PALLD: variants seen among roughly 807,000 people sequenced by gnomAD.
The protein encoded by PALLD is palladin, cytoskeletal associated protein, also known as palladin.
In PALLD, 61 loss-of-function variants were observed where a neutral mutation model predicts 123.5. The ratio of observed to expected loss-of-function variants is 0.49; its 90% CI spans 0.40 to 0.61. The LOEUF (loss-of-function observed/expected upper bound fraction) is 0.61, where lower values mean the gene tolerates loss of function less well. Among genes scored for constraint, PALLD ranks in the 20% least tolerant of loss-of-function variants. The pLI, the probability that PALLD is intolerant of heterozygous loss-of-function variation, is 0.00. For synonymous variants in PALLD, 465 were observed against 496.4 expected (o/e 0.94, Z 0.84); for missense variants, 1,273 against 1,377.0 (o/e 0.92, Z 1.20).
At chr4:168,497,844 A>G (rs1265539801) in intron 1 of PALLD, among the ~76,000 whole-genome samples, 1 of 152,220 alleles carries the variant, frequency 6.6e-6, no homozygotes, top group Non-Finnish European at 1.5e-5. Context: ...AATTTTTATC[A>G]TGTTGTTTTA....
chr4:168,659,456 G>C (rs1778921059), intron 2 of PALLD, among the ~76,000 whole-genome samples: 1 of 152,170 alleles, frequency 6.6e-6, no homozygotes, highest in African/African-American at 2.4e-5. Flanking sequence ...TTGCCATCCT[G>C]AAATCACCCG....
At chr4:168,590,971 C>G (rs374051240) in intron 2 of PALLD, among the ~76,000 whole-genome samples, 1 of 145,118 alleles carries the variant, frequency 6.9e-6, no homozygotes, top group African/African-American at 2.6e-5. Context: ...CCTCCTCCCC[C>G]CAGGTTCAAG....
chr4:168,663,660 A>G (rs539277395), intron 2 of PALLD, among the ~76,000 whole-genome samples: 2 of 152,348 alleles, frequency 1.3e-5, no homozygotes, highest in Non-Finnish European at 2.9e-5. Flanking sequence ...TAGATGCAAA[A>G]TTGAATGCAT....
Position 168,664,460 on chromosome 4 carries a change from A to G in PALLD, c.909-3730A>G, listed in dbSNP as rs540931174. On this transcript the variant is annotated intron_variant, in intron 2 of 21. Transcript: ENST00000505667. ...TTCAGCAACCGCATATGGCAAAATG[A>G]TTGGTGCTTGTAAACCACTAGGCTG... 3.8e-3 allele frequency among the ~76,000 whole-genome samples: 575 copies of G among 151,904 alleles called. 2 individuals are homozygous for G. The highest frequency in any genetic ancestry group is 6.7e-3 in the Non-Finnish European group (457 of 68,020).
chr4:168,668,042 T>C, intron 2 of PALLD, 148 bp from the exon 3 acceptor site: 1 of 682,098 alleles, frequency 1.5e-6, no homozygotes, highest in Non-Finnish European at 2.6e-6. Context: ...AATTGTAGAG[T>C]TTCCATTAGT....
chr4:168,775,185 C>T (rs1735009641), intron 10 of PALLD, among the ~76,000 whole-genome samples: 1 of 152,040 alleles, frequency 6.6e-6, no homozygotes, highest in Non-Finnish European at 1.5e-5. Flanking sequence ...CCAGTTTCTC[C>T]ACATCCTAGT....
intron 2 of PALLD, among the ~76,000 whole-genome samples, chr4:168,664,685 C>T (rs1178488203): frequency 6.7e-6 from 1 of 149,318 alleles, no homozygotes; most frequent in Non-Finnish European, 1.5e-5. Context: ...CAGGGAAAGT[C>T]AGTTATTGAC....
At chr4:168,687,937 T>TAGA (rs1279803738) in intron 6 of PALLD, among the ~76,000 whole-genome samples, 1 of 152,274 alleles carries the variant, frequency 6.6e-6, no homozygotes. Flanking sequence ...TCAGAGCCAC[T>TAGA]AGAAGCTCAG....
intron 14 of PALLD, among the ~76,000 whole-genome samples, chr4:168,901,395 G>C (rs891404560): frequency 1.4e-4 from 22 of 151,998 alleles, no homozygotes; most frequent in Non-Finnish European, 2.5e-4. Context: ...CCATTAGTAC[G>C]CTTGGTAAAA....
At chr4:168,815,494 C>G (rs1373306229) in intron 10 of PALLD, among the ~76,000 whole-genome samples, 1 of 152,232 alleles carries the variant, frequency 6.6e-6, no homozygotes, top group East Asian at 1.9e-4. Flanking sequence ...CTAAAACTGT[C>G]CTCCATAAAA....
At chr4:168,894,957 T>C (rs1050888249) in intron 12 of PALLD, among the ~76,000 whole-genome samples, 3 of 152,228 alleles carry the variant, frequency 2.0e-5, no homozygotes, top group African/African-American at 7.2e-5. Context: ...TATCCTAAGT[T>C]TTATGCAAAA....
intron 10 of PALLD, among the ~76,000 whole-genome samples, chr4:168,726,944 A>G (rs1331039223): frequency 6.6e-6 from 1 of 152,060 alleles, no homozygotes; most frequent in Non-Finnish European, 1.5e-5. Context: ...TGTGTGCTCA[A>G]TGTTTAGCTC....
chr4:168,607,008 G>T (rs1773248996), intron 2 of PALLD, among the ~76,000 whole-genome samples: 1 of 151,990 alleles, frequency 6.6e-6, no homozygotes, highest in Non-Finnish European at 1.5e-5. Context: ...GAGGGAGAAA[G>T]GTAAAATCAT....
intron 10 of PALLD, among the ~76,000 whole-genome samples, chr4:168,860,528 T>C (rs1749307687): frequency 6.6e-6 from 1 of 152,150 alleles, no homozygotes; most frequent in South Asian, 2.1e-4. Context: ...AAGGTGATTT[T>C]AATTCAGCCT....
At chr4:168,690,501 T>A (rs543671839) in intron 6 of PALLD, 102 bp from the exon 7 acceptor site, 11 of 1,399,702 alleles carry the variant, frequency 7.9e-6, no homozygotes, top group Middle Eastern at 3.5e-4. Flanking sequence ...TGTGTTTGTA[T>A]CTGTTTTGTC....
At chr4:168,724,997 C>G (rs561221719) in intron 10 of PALLD, among the ~76,000 whole-genome samples, 3 of 152,224 alleles carry the variant, frequency 2.0e-5, no homozygotes, top group South Asian at 2.1e-4. Flanking sequence ...AATGTCTGCT[C>G]TATGCTCTGC....
At chr4:168,811,772 T>TCACACA (rs1290275045) in intron 10 of PALLD, among the ~76,000 whole-genome samples, 18 of 98,396 alleles carry the variant, frequency 1.8e-4, no homozygotes, top group African/African-American at 5.6e-4. Flanking sequence ...TCTCTCTCTC[T>TCACACA]CTCTCACACA....
At chr4:168,845,441 A>G (rs530838916) in intron 10 of PALLD, among the ~76,000 whole-genome samples, 29 of 152,338 alleles carry the variant, frequency 1.9e-4, no homozygotes, top group Middle Eastern at 6.8e-3. Flanking sequence ...CAAAACAAAA[A>G]CAGTAATACA....
intron 10 of PALLD, among the ~76,000 whole-genome samples, chr4:168,746,277 A>T (rs1316111277): frequency 6.7e-6 from 1 of 148,688 alleles, no homozygotes. Flanking sequence ...GCTACTCAGG[A>T]GGCTGAGGCA....
Sources: gnomAD v4.1 joint callset for allele counts (sites outside exome capture counted in the v4.1 genomes callset) on GRCh38, gnomAD v4.1.1 for gene constraint, MANE v1.5 for transcripts, NCBI Gene and HGNC (gene_info 2026-07-23, HGNC 2026-07-21) for gene names.